AGL: variants seen among roughly 807,000 people sequenced by gnomAD.
The protein encoded by AGL is glycogen debranching enzyme.
A neutral mutation model predicts 199.3 loss-of-function variants in AGL; 128 were observed. The ratio of observed to expected loss-of-function variants is 0.64; its 90% CI spans 0.56 to 0.74. The LOEUF is 0.74. Among genes scored for constraint, AGL ranks in the 30% least tolerant of loss-of-function variants. AGL has a pLI of 0.00. For missense variants in AGL, 1,809 were observed against 1,820.8 expected (o/e 0.99, Z 0.12); for synonymous variants, 584 against 594.7 (o/e 0.98, Z 0.26).
intron 2 of AGL, among the ~76,000 whole-genome samples, chr1:99,855,181 A>G (rs1231126736): frequency 6.6e-6 from 1 of 152,202 alleles, no homozygotes; most frequent in Non-Finnish European, 1.5e-5. Flanking sequence ...AGCCCGGGCA[A>G]CAGAGCGAGA....
intron 33 of AGL, among the ~76,000 whole-genome samples, chr1:99,919,546 C>T (rs1655372224): frequency 6.6e-6 from 1 of 152,282 alleles, no homozygotes; most frequent in Non-Finnish European, 1.5e-5. Flanking sequence ...CTATGACCCC[C>T]AGTAGATAGG....
At chr1:99,906,050 T>G (rs1654262394) in intron 27 of AGL, among the ~76,000 whole-genome samples, 1 of 152,212 alleles carries the variant, frequency 6.6e-6, no homozygotes, top group South Asian at 2.1e-4. Flanking sequence ...TCAGTGGCTT[T>G]AAGTACAATC....
intron 2 of AGL, among the ~76,000 whole-genome samples, chr1:99,852,039 C>T (rs1264589747): frequency 6.6e-6 from 1 of 151,638 alleles, no homozygotes; most frequent in Non-Finnish European, 1.5e-5. Context: ...TTTTTTTTTC[C>T]CCCTCCCCTG....
At chr1:99,871,967 C>T (rs530806068) in intron 7 of AGL, among the ~76,000 whole-genome samples, 51 of 151,214 alleles carry the variant, frequency 3.4e-4, no homozygotes, top group Non-Finnish European at 4.7e-4. Context: ...TTATATAATT[C>T]TATATATGGT....
At chr1:99,906,494 A>C (rs914875210) in intron 27 of AGL, among the ~76,000 whole-genome samples, 1 of 152,202 alleles carries the variant, frequency 6.6e-6, no homozygotes, top group East Asian at 1.9e-4. Context: ...TTTACCTTGC[A>C]AAACAAACTC....
chr1:99,913,880 A>G (rs978030892), intron 30 of AGL, 142 bp downstream of exon 30: 1 of 828,250 alleles, frequency 1.2e-6, no homozygotes, highest in Non-Finnish European at 2.0e-6. Context: ...AGTCTTTCCT[A>G]ATTAATCAAG....
At chr1:99,913,431 T>C in intron 29 of AGL, 96 bp from the exon 30 acceptor site, 1 of 1,027,154 alleles carries the variant, frequency 9.7e-7, no homozygotes, top group Non-Finnish European at 1.5e-6. Context: ...TGCCTTGTAG[T>C]AGATAAAAAT....
At chr1:99,900,890 G>GTTTT (rs35956186) in intron 26 of AGL, 29 bp downstream of exon 26, 40 of 1,307,640 alleles carry the variant, frequency 3.1e-5, no homozygotes, top group Admixed American at 4.0e-5. Context: ...ATGTTTTTTT[G>GTTTT]TTTTTTTTTT....
In AGL at chr1:99,892,421, T is replaced by G. The variant is rs1047109654; in HGVS notation, c.3084-11T>G. 3.7e-6 allele frequency: 6 copies of G among 1,612,610 alleles called. No homozygotes were observed. In the Admixed American group the frequency reaches 8.3e-5, roughly 22 times the overall value. ...TTCTACAAGTAATAAATTCAATCACTTTTGTTACAGCTTTGTTCAGAATGG... is the reference window on the plus strand; with the variant it reads ...TTCTACAAGTAATAAATTCAATCACGTTTGTTACAGCTTTGTTCAGAATGG... On this transcript the variant is annotated splice_polypyrimidine_tract_variant and intron_variant, in intron 23 of 33. Transcript: ENST00000361915.
chr1:99,856,116 G>C (rs917570455), intron 2 of AGL, among the ~76,000 whole-genome samples: 1 of 152,164 alleles, frequency 6.6e-6, no homozygotes, highest in Non-Finnish European at 1.5e-5. Flanking sequence ...TATGACCTCA[G>C]CTAATTTTAG....
chr1:99,886,534 G>A (rs908519793), intron 20 of AGL, among the ~76,000 whole-genome samples: 10 of 152,052 alleles, frequency 6.6e-5, no homozygotes, highest in Non-Finnish European at 1.2e-4. Context: ...CATAATTATA[G>A]CACCTTTCTT....
rs199927371 is a variant in AGL, at chr1:99,879,584, C to CAATAAATA, written c.1612-321_1612-314dup. ...GGGCAACAAGAGCGAAACTTGGTCT[C>CAATAAATA]AATAAATAAATAAATAAATAAATAA... is the stretch of plus-strand genomic sequence containing the variant. On this transcript the variant is annotated intron_variant, in intron 12 of 33. Coordinates refer to ENST00000361915, the MANE Select transcript of AGL (RefSeq NM_000642.3). Among the ~76,000 whole-genome samples, 266 of 151,160 alleles carry CAATAAATA rather than the reference C, an allele frequency of 1.8e-3. 4 individuals carry two copies. The South Asian group carries it at 0.019, about 11-fold the overall frequency.
At chr1:99,898,796 A>G (rs781100537) in intron 25 of AGL, among the ~76,000 whole-genome samples, 1 of 152,208 alleles carries the variant, frequency 6.6e-6, no homozygotes, top group Non-Finnish European at 1.5e-5. Flanking sequence ...AGTTCTGGCC[A>G]CAACCAACTG....
chr1:99,894,205 G>A (rs1047507904), intron 24 of AGL, among the ~76,000 whole-genome samples: 4 of 151,512 alleles, frequency 2.6e-5, no homozygotes, highest in Admixed American at 6.6e-5. Context: ...AAAAAAATTT[G>A]TAGCCTGTTC....
At chr1:99,892,808 G>A (rs1653011857) in intron 24 of AGL, among the ~76,000 whole-genome samples, 1 of 144,582 alleles carries the variant, frequency 6.9e-6, no homozygotes, top group Non-Finnish European at 1.5e-5. Flanking sequence ...AGGCATTTAT[G>A]TGTGTTTTTT....
chr1:99,915,089 A>G (rs1655016311), intron 30 of AGL, among the ~76,000 whole-genome samples: 2 of 152,140 alleles, frequency 1.3e-5, no homozygotes, highest in Non-Finnish European at 2.9e-5. Flanking sequence ...CAAAGGGGTT[A>G]AAATAAAAGT....
At chr1:99,893,879 G>C (rs1044057895) in intron 24 of AGL, among the ~76,000 whole-genome samples, 5 of 152,036 alleles carry the variant, frequency 3.3e-5, no homozygotes, top group African/African-American at 1.2e-4. Flanking sequence ...TCTTCCTTTG[G>C]TTATAGTATT....
intron 11 of AGL, among the ~76,000 whole-genome samples, chr1:99,876,891 A>G (rs1651590635): frequency 6.6e-6 from 1 of 152,176 alleles, no homozygotes; most frequent in Non-Finnish European, 1.5e-5. Flanking sequence ...TGGACAAAAT[A>G]TTATTGCATT....
intron 11 of AGL, 35 bp from the exon 12 acceptor site, chr1:99,877,606 C>A (rs770721449): frequency 6.9e-6 from 11 of 1,596,046 alleles, no homozygotes; most frequent in Non-Finnish European, 9.4e-6. Context: ...CATTTTATTT[C>A]TTGAACCATT....
Sources: allele counts gnomAD v4.1 joint callset (sites outside exome capture counted in the v4.1 genomes callset), GRCh38; gene constraint gnomAD v4.1.1; transcripts MANE v1.5; gene names NCBI Gene and HGNC (gene_info 2026-07-23, HGNC 2026-07-21).